The following QRFPR variants were observed in gnomAD, a reference collection of about 807,000 sequenced individuals.
QRFPR encodes the protein pyroglutamylated RFamide peptide receptor, also known as pyroglutamylated RF-amide peptide receptor.
Under a neutral mutation model 31.3 loss-of-function variants are expected in QRFPR, and 37 were observed. The observed-to-expected ratio is 1.18, with a 90% CI of 0.91 to 1.56. The LOEUF (loss-of-function observed/expected upper bound fraction) is 1.56. Among genes scored for constraint, QRFPR ranks in the 40% most tolerant of loss-of-function variants. QRFPR has a pLI of 0.00. For missense variants in QRFPR, 542 were observed against 532.5 expected (o/e 1.02, Z -0.18); for synonymous variants, 197 against 192.0 (o/e 1.03, Z -0.22).
At chr4:121,374,189 C>T (rs1726306162) in intron 1 of QRFPR, among the ~76,000 whole-genome samples, 1 of 152,078 alleles carries the variant, frequency 6.6e-6, no homozygotes, top group South Asian at 2.1e-4. Flanking sequence ...ACTCTAAAAA[C>T]GTTAAGGGCT....
chr4:121,366,064 T>C (rs1369204376), intron 1 of QRFPR, among the ~76,000 whole-genome samples: 1 of 148,892 alleles, frequency 6.7e-6, no homozygotes, highest in Non-Finnish European at 1.5e-5. Context: ...AGTACCTGAG[T>C]TCGAGGGGTG....
rs547301906 is a variant in QRFPR at position 121,328,841 on chromosome 4, C to T, written c.*473G>A. ...CATGATCTCGGATCACTGCAAGCTC[C>T]GCCTCCCGGGTTCACACCATTCTCC... On this transcript the variant is annotated 3_prime_UTR_variant, in exon 6 of 6. Transcript: ENST00000394427. Among the ~76,000 whole-genome samples, 353 of 152,276 alleles carry T rather than the reference C, an allele frequency of 2.3e-3. 1 individual carries two copies. Among genetic ancestry groups the T allele is most frequent in the Non-Finnish European group, 3.5e-3 (241 of 68,034 alleles).
chr4:121,377,399 C>CTA (rs71599124), intron 1 of QRFPR, among the ~76,000 whole-genome samples: 14 of 139,702 alleles, frequency 1.0e-4, no homozygotes, highest in East Asian at 6.1e-4. Flanking sequence ...TTTTACATAA[C>CTA]TATATATATA....
intron 1 of QRFPR, chr4:121,369,396 CCTT>C (rs1415625655): frequency 1.4e-6 from 1 of 718,636 alleles, no homozygotes; most frequent in Non-Finnish European, 2.4e-6. Flanking sequence ...GTGCAAGAAA[CCTT>C]CTTTACCAGA....
chr4:121,343,685 CAGAA>C, intron 1 of QRFPR, among the ~76,000 whole-genome samples: 1 of 152,144 alleles, frequency 6.6e-6, no homozygotes, highest in African/African-American at 2.4e-5. Context: ...CAAATTTAAT[CAGAA>C]CTTTTTCTAT....
chr4:121,339,737 T>G (rs1282644189), intron 2 of QRFPR, among the ~76,000 whole-genome samples: 1 of 152,096 alleles, frequency 6.6e-6, no homozygotes, highest in Non-Finnish European at 1.5e-5. Context: ...GGGAATGGCT[T>G]GAGCCCAGGA....
intron 1 of QRFPR, among the ~76,000 whole-genome samples, chr4:121,359,699 GTGTA>G (rs1387368175): frequency 1.3e-5 from 2 of 151,104 alleles, no homozygotes; most frequent in Non-Finnish European, 2.9e-5. Context: ...GTATATATGT[GTGTA>G]TGTGTGTGTG....
intron 1 of QRFPR, among the ~76,000 whole-genome samples, chr4:121,351,740 T>C (rs2110474918): frequency 6.6e-6 from 1 of 152,108 alleles, no homozygotes; most frequent in Non-Finnish European, 1.5e-5. Context: ...CATCATAAAG[T>C]GAACTTCCTC....
chr4:121,334,609 C>T, intron 3 of QRFPR: 1 of 380,520 alleles, frequency 2.6e-6, no homozygotes. Flanking sequence ...TATTTCTATT[C>T]AGGGTAAAGC....
intron 1 of QRFPR, among the ~76,000 whole-genome samples, chr4:121,352,578 A>G (rs1725783698): frequency 6.6e-6 from 1 of 152,056 alleles, no homozygotes; most frequent in African/African-American, 2.4e-5. Context: ...TTTAAAAGTT[A>G]TTTTTAATTA....
At position 121,380,310 on chromosome 4, in the gene QRFPR, C is replaced by G. The variant is rs944381276; in HGVS notation, c.338G>C (p.Gly113Ala). Residue 113 changes from glycine (G) to alanine (A), a missense_variant and splice_region_variant, in exon 1 of 6, where the codon GGG (glycine) becomes GCG (alanine). Gly to Ala is a moderately conservative substitution (Grantham distance 60). Transcript: ENST00000394427. ...AAGGAGCGGGGCGCGACTCTTACCCCCCAGCCAGTTGTCGGAAATGTTCTG... is the reference window on the plus strand; with the variant it reads ...AAGGAGCGGGGCGCGACTCTTACCCGCCAGCCAGTTGTCGGAAATGTTCTG... ...MLQNISDNWL[G>A]GAFICKMVPF... 18 of 1,610,938 alleles carry G rather than the reference C, an allele frequency of 1.1e-5. No homozygotes were observed. The highest frequency in any genetic ancestry group is 1.4e-5 in the Non-Finnish European group (17 of 1,178,316).
At chr4:121,365,621 T>TAA (rs1362312749) in intron 1 of QRFPR, among the ~76,000 whole-genome samples, 1 of 22,294 alleles carries the variant, frequency 4.5e-5, no homozygotes, top group African/African-American at 2.6e-4. Context: ...ATTATATATA[T>TAA]TATATATTAT....
chr4:121,332,819 A>T lies in QRFPR; in HGVS notation c.797+2T>A, dbSNP rs1255961757. 6.2e-7 allele frequency: 1 copy of T among 1,602,158 alleles called. No homozygotes were observed. The highest frequency in any genetic ancestry group is 1.7e-5 in the Admixed American group (1 of 60,016). On this transcript the variant is annotated splice_donor_variant, in intron 4 of 5. Transcript: ENST00000394427. LOFTEE classifies it high-confidence loss of function. ...AAGAGGTGAATATTTCATTAAACAG[A>T]CCTGGCTATTTTGGACATTTCTTTT...
intron 1 of QRFPR, among the ~76,000 whole-genome samples, chr4:121,344,176 T>A (rs935135219): frequency 6.6e-6 from 1 of 152,182 alleles, no homozygotes; most frequent in African/African-American, 2.4e-5. Flanking sequence ...CTAATAACCT[T>A]ATTTCCCAGA....
rs1177363479 is a variant in QRFPR at position 121,328,893 on chromosome 4, C to T, written c.*421G>A. ...GCCTGAGGCTCCCAAGTAGCTGGGA[C>T]TACAGGTGCCCGCCACCACGCCCGG... On this transcript the variant is annotated 3_prime_UTR_variant, in exon 6 of 6. Coordinates refer to ENST00000394427, the MANE Select transcript of QRFPR (RefSeq NM_198179.3). 6.6e-6 allele frequency among the ~76,000 whole-genome samples: 1 copy of T among 152,172 alleles called. No homozygotes were observed. Among genetic ancestry groups the T allele is most frequent in the East Asian group, 1.9e-4 (1 of 5,164 alleles).
At chr4:121,350,951 A>G (rs1181249094) in intron 1 of QRFPR, among the ~76,000 whole-genome samples, 2 of 152,186 alleles carry the variant, frequency 1.3e-5, no homozygotes, top group Admixed American at 1.3e-4. Context: ...CATTTCTTCC[A>G]GGTTTCATTT....
In QRFPR at chr4:121,338,864, C is replaced by T. The variant is rs554962293; in HGVS notation, c.499+1588G>A. ...CTATGCTTTGAGATGTTGTCACTCG[C>T]GCTACTTCTCTTTCCTTTTAAATAA... On this transcript the variant is annotated intron_variant, in intron 2 of 5. Transcript: ENST00000394427. Among the ~76,000 whole-genome samples, 4 of 152,312 alleles carry T rather than the reference C, an allele frequency of 2.6e-5. No homozygotes were observed. The East Asian group carries it at 5.8e-4, about 22-fold the overall frequency.
At chr4:121,346,058 C>T (rs914066704) in intron 1 of QRFPR, among the ~76,000 whole-genome samples, 1 of 137,342 alleles carries the variant, frequency 7.3e-6, no homozygotes, top group Non-Finnish European at 1.7e-5. Flanking sequence ...ATAATAATTA[C>T]TCTGTGAATA....
intron 1 of QRFPR, among the ~76,000 whole-genome samples, chr4:121,353,320 T>A (rs55903137): frequency 0.07 from 10,596 of 152,160 alleles, 452 homozygotes; most frequent in East Asian, 0.11. Context: ...CTATATTAAT[T>A]TACATTTCCA....
Sources: gnomAD v4.1 joint callset for allele counts (sites outside exome capture counted in the v4.1 genomes callset) on GRCh38, gnomAD v4.1.1 for gene constraint, MANE v1.5 for transcripts, NCBI Gene and HGNC (gene_info 2026-07-23, HGNC 2026-07-21) for gene names.